Variants in NAALADL2 observed in about 807,000 individuals in gnomAD.
The protein encoded by NAALADL2 is N-acetylated alpha-linked acidic dipeptidase like 2.
NAALADL2 carries 76 observed loss-of-function variants against 87.2 expected under a neutral mutation model. The ratio of observed to expected loss-of-function variants is 0.87; its 90% CI spans 0.72 to 1.05. NAALADL2 has a LOEUF of 1.05. Among genes scored for constraint, NAALADL2 ranks in the 50% least tolerant of loss-of-function variants. The pLI is 0.00. For synonymous variants in NAALADL2, 354 were observed against 331.0 expected, an observed-to-expected ratio of 1.07 and a Z score of -0.75; for missense variants, 1,089 against 945.8, an observed-to-expected ratio of 1.15 and a Z score of -1.99.
intron 5 of NAALADL2, among the ~76,000 whole-genome samples, chr3:175,403,174 T>G (rs1711655750): frequency 6.6e-6 from 1 of 152,080 alleles, no homozygotes; most frequent in Admixed American, 6.6e-5. Flanking sequence ...ATTTTTCACC[T>G]TCCTTTTCTT....
chr3:175,706,379 A>G (rs1739718609), intron 11 of NAALADL2, among the ~76,000 whole-genome samples: 1 of 152,176 alleles, frequency 6.6e-6, no homozygotes, highest in Admixed American at 6.6e-5. Context: ...AATTAGGCAC[A>G]ATAATAGATT....
At chr3:175,338,642 C>A (rs1300641304) in intron 5 of NAALADL2, among the ~76,000 whole-genome samples, 2 of 138,164 alleles carry the variant, frequency 1.4e-5, no homozygotes, top group Admixed American at 7.3e-5. Context: ...CACACACACA[C>A]ACACACACAC....
chr3:175,730,425 TATATATATATATATATATAC>T (rs1344931695), intron 11 of NAALADL2, among the ~76,000 whole-genome samples: 3,794 of 98,234 alleles, frequency 0.039, 161 homozygotes, highest in African/African-American at 0.091. Context: ...TATATATATA[TATATATATATATATATATAC>T]ACACATACAC....
intron 2 of NAALADL2, among the ~76,000 whole-genome samples, chr3:175,194,296 T>G (rs1738659662): frequency 6.6e-6 from 1 of 151,882 alleles, no homozygotes; most frequent in Non-Finnish European, 1.5e-5. Context: ...AGTCATTTTC[T>G]TTTTCCTGCA....
At chr3:174,501,760 A>C (rs1718910790) in intron 1 of NAALADL2, among the ~76,000 whole-genome samples, 1 of 151,980 alleles carries the variant, frequency 6.6e-6, no homozygotes, top group Non-Finnish European at 1.5e-5. Context: ...CTGATTTCTT[A>C]TATTGGTAAT....
intron 2 of NAALADL2, among the ~76,000 whole-genome samples, chr3:174,638,595 T>TA (rs922985253): frequency 4.0e-5 from 6 of 151,834 alleles, no homozygotes; most frequent in East Asian, 3.9e-4. Flanking sequence ...GGTTTTTTTT[T>TA]AAAAAAAACT....
At chr3:174,657,170 C>T (rs1725036549) in intron 2 of NAALADL2, among the ~76,000 whole-genome samples, 1 of 150,312 alleles carries the variant, frequency 6.7e-6, no homozygotes, top group South Asian at 2.1e-4. Context: ...GCTGGGTTTA[C>T]AGGCACATGC....
chr3:174,820,434 A>C (rs1313590250), intron 3 of NAALADL2, among the ~76,000 whole-genome samples: 1 of 152,196 alleles, frequency 6.6e-6, no homozygotes, highest in Non-Finnish European at 1.5e-5. Context: ...AAAAAATATA[A>C]TTTATCAGAA....
At chr3:174,818,958 T>A (rs919636643) in intron 3 of NAALADL2, among the ~76,000 whole-genome samples, 1 of 151,960 alleles carries the variant, frequency 6.6e-6, no homozygotes, top group East Asian at 1.9e-4. Context: ...TTCTTTTCTA[T>A]TTTTGTTTGT....
At chr3:175,325,838 G>A (rs967714290) in intron 5 of NAALADL2, among the ~76,000 whole-genome samples, 2 of 152,130 alleles carry the variant, frequency 1.3e-5, no homozygotes, top group Non-Finnish European at 2.9e-5. Context: ...TAGAATCTCT[G>A]AAATGGCTTT....
At chr3:174,651,965 C>G (rs1382098200) in intron 2 of NAALADL2, among the ~76,000 whole-genome samples, 1 of 152,150 alleles carries the variant, frequency 6.6e-6, no homozygotes, top group Non-Finnish European at 1.5e-5. Context: ...TACCAGCACA[C>G]TAGAAGCTTG....
chr3:174,661,005 T>C (rs1247825311), intron 2 of NAALADL2, among the ~76,000 whole-genome samples: 1 of 152,186 alleles, frequency 6.6e-6, no homozygotes, highest in Non-Finnish European at 1.5e-5. Context: ...ACATCATTAT[T>C]GATGGTTATT....
chr3:175,397,630 A>AT (rs1769980754), intron 5 of NAALADL2, among the ~76,000 whole-genome samples: 1 of 152,174 alleles, frequency 6.6e-6, no homozygotes, highest in Admixed American at 6.6e-5. Flanking sequence ...TAACAGCAAC[A>AT]TTAAAACATG....
Position 175,809,069 on chromosome 3 carries a change from T to G in NAALADL2, c.*5866T>G, listed in dbSNP as rs1754942745. ...CTAGTGTTTTATTAATATTAAAAAT[T>G]TTTGTTTACTTATATATCAAGCTGC... On this transcript the variant is annotated 3_prime_UTR_variant, in exon 14 of 14. Coordinates refer to ENST00000454872, the MANE Select transcript of NAALADL2 (RefSeq NM_207015.3). The G allele has an allele frequency of 1.3e-5, 2 of 151,938 alleles. No individual in the cohort carries two copies. Among genetic ancestry groups the G allele is most frequent in the Admixed American group, 1.3e-4 (2 of 15,194 alleles). 9.4% of individuals were successfully genotyped at this position (151,938 alleles called of 1,614,324 possible).
chr3:174,814,618 T>A (rs947486793), intron 3 of NAALADL2, among the ~76,000 whole-genome samples: 1 of 152,110 alleles, frequency 6.6e-6, no homozygotes, highest in African/African-American at 2.4e-5. Flanking sequence ...ATAATTAATA[T>A]CAAATTTAAG....
At chr3:175,176,610 T>G (rs948542192) in intron 2 of NAALADL2, among the ~76,000 whole-genome samples, 2 of 152,082 alleles carry the variant, frequency 1.3e-5, no homozygotes, top group South Asian at 4.1e-4. Flanking sequence ...GGGGTGGGCC[T>G]CTCTCTGACT....
In NAALADL2 at chr3:175,524,426, TA is replaced by T. The variant is rs532442928; in HGVS notation, c.1654-51614del. On this transcript the variant is annotated intron_variant, in intron 9 of 13. Coordinates refer to ENST00000454872, the MANE Select transcript of NAALADL2 (RefSeq NM_207015.3). ...TTACTAACTTGTAATTTTTTGTGTG[TA>T]CTTTTATCATAGGTAACTTTTAATA... is the stretch of plus-strand genomic sequence containing the variant. Among the ~76,000 whole-genome samples the T allele has an allele frequency of 4.4e-3, 670 of 152,282 alleles. 4 individuals carry two copies. The highest frequency in any genetic ancestry group is 0.015 in the African/African-American group (643 of 41,560).
intron 1 of NAALADL2, among the ~76,000 whole-genome samples, chr3:174,443,719 G>A (rs1240908867): frequency 1.3e-5 from 2 of 152,126 alleles, no homozygotes; most frequent in African/African-American, 2.4e-5. Flanking sequence ...AATGGTGTAC[G>A]TCAGCATTAT....
At chr3:175,049,661 A>G (rs954571651) in intron 1 of NAALADL2, among the ~76,000 whole-genome samples, 1 of 152,124 alleles carries the variant, frequency 6.6e-6, no homozygotes, top group Non-Finnish European at 1.5e-5. Flanking sequence ...TTTCCTGATG[A>G]GGTTTTATCC....
Sources: gnomAD v4.1 joint callset for allele counts (sites outside exome capture counted in the v4.1 genomes callset) on GRCh38, gnomAD v4.1.1 for gene constraint, MANE v1.5 for transcripts, NCBI Gene and HGNC (gene_info 2026-07-23, HGNC 2026-07-21) for gene names.